The following KIR3DL2 variants were observed in gnomAD, a reference collection of about 807,000 sequenced individuals.
KIR3DL2 encodes the protein killer cell immunoglobulin-like receptor 3DL2.
A neutral mutation model predicts 41.6 loss-of-function variants in KIR3DL2; 42 were observed. The observed-to-expected ratio is 1.01, with a 90% CI of 0.79 to 1.31. The LOEUF is 1.31. Ranked by LOEUF, KIR3DL2 falls within the 50% of genes most tolerant of loss-of-function variation. KIR3DL2 has a pLI of 0.00. For missense variants in KIR3DL2, 728 were observed against 576.8 expected (o/e 1.26, Z -2.68); for synonymous variants, 230 against 221.3 (o/e 1.04, Z -0.35).
At chr19:54,853,086 G>C (rs1308574937) in intron 3 of KIR3DL2, among the ~76,000 whole-genome samples, 1 of 151,028 alleles carries the variant, frequency 6.6e-6, no homozygotes, top group Non-Finnish European at 1.5e-5. Context: ...CTCCAGCCTG[G>C]GTGAAAAAGT....
At chr19:54,852,323 C>T in intron 3 of KIR3DL2, 41 bp downstream of exon 3, 2 of 1,591,226 alleles carry the variant, frequency 1.3e-6, no homozygotes, top group Non-Finnish European at 1.7e-6. Context: ...GTCCCACCTC[C>T]TGAATCCCAG....
At chr19:54,858,660 G>A (rs2064965600) in intron 5 of KIR3DL2, among the ~76,000 whole-genome samples, 1 of 151,338 alleles carries the variant, frequency 6.6e-6, no homozygotes, top group Non-Finnish European at 1.5e-5. Context: ...TCCAGGAAGT[G>A]GAGGTTGCAT....
At chr19:54,851,823 T>A (rs891633543) in intron 2 of KIR3DL2, among the ~76,000 whole-genome samples, 175 bp from the exon 3 acceptor site, 8 of 151,894 alleles carry the variant, frequency 5.3e-5, no homozygotes, top group Non-Finnish European at 1.5e-5. Context: ...AGTTCTCAGC[T>A]GACACTTGTT....
At chr19:54,866,320 G>A (rs2065511296) in intron 7 of KIR3DL2, 50 bp from the exon 8 acceptor site, 1 of 1,604,426 alleles carries the variant, frequency 6.2e-7, no homozygotes, top group Non-Finnish European at 8.5e-7. Context: ...CATGAAATGA[G>A]GACCCAGAAG....
chr19:54,865,861 ATCC>A lies in KIR3DL2; in HGVS notation c.1066_1068del (p.Leu356del), dbSNP rs1326066258. On this transcript the variant is annotated inframe_deletion, in exon 7 of 9. Coordinates refer to ENST00000326321, the MANE Select transcript of KIR3DL2 (RefSeq NM_006737.4). Reference sequence around the variant, plus strand: ...GACCTCAGTGGTCATCTTCCTCTTCATCCTCCTCCTCTTCTTTCTCCTTTATCG... The same window carrying A: ...GACCTCAGTGGTCATCTTCCTCTTCATCCTCCTCTTCTTTCTCCTTTATCG... The A allele has an allele frequency of 5.6e-6, 9 of 1,613,750 alleles. No individual in the cohort carries two copies. The East Asian group carries it at 1.6e-4, about 28-fold the overall frequency.
At chr19:54,851,122 A>G in intron 1 of KIR3DL2, 98 bp from the exon 2 acceptor site, 1 of 1,479,330 alleles carries the variant, frequency 6.8e-7, no homozygotes, top group Non-Finnish European at 9.4e-7. Flanking sequence ...CCTTCAGCCC[A>G]GCAAGGGCCT....
chr19:54,855,361 A>C (rs745997984), intron 4 of KIR3DL2, among the ~76,000 whole-genome samples: 2,760 of 151,820 alleles, frequency 0.018, 59 homozygotes, highest in Middle Eastern at 0.027. Flanking sequence ...AGATCAAGTC[A>C]ACCAATCCAA....
intron 6 of KIR3DL2, among the ~76,000 whole-genome samples, chr19:54,863,896 G>A (rs113118043): frequency 0.043 from 6,532 of 151,808 alleles, 176 homozygotes; most frequent in Middle Eastern, 0.095. Flanking sequence ...TTTTGTTGCC[G>A]TTGCTTTTGG....
chr19:54,850,633 T>C lies in KIR3DL2; in HGVS notation c.34+124T>C. The C allele has an allele frequency of 2.2e-6, 3 of 1,384,938 alleles. No homozygotes were observed. The South Asian group carries it at 3.5e-5, about 16-fold the overall frequency. 85.8% of individuals were successfully genotyped at this position (1,384,938 alleles called of 1,614,324 possible). On this transcript the variant is annotated intron_variant, in intron 1 of 8. Transcript: ENST00000326321. Reference sequence around the variant, plus strand: ...GGAGATATGGGCCTGGGTGTGGAGATATGGGCCTGGAGGTGTAAATATGGG... The same window carrying C: ...GGAGATATGGGCCTGGGTGTGGAGACATGGGCCTGGAGGTGTAAATATGGG...
At position 54,866,597 on chromosome 19, in the gene KIR3DL2, A is replaced by G. The variant is rs1413360969; in HGVS notation, c.1234A>G (p.Ser412Gly). Reference sequence around the variant, plus strand: ...CTGCGTTTTCATACAGAGAAAAATCAGTCGCCCTTCTCAGAGGCCCAAGAC... The same window carrying G: ...CTGCGTTTTCATACAGAGAAAAATCGGTCGCCCTTCTCAGAGGCCCAAGAC... ...DHCVFIQRKI[S>G]RPSQRPKTPL... Residue 412 changes from serine (S) to glycine (G), a missense_variant, in exon 9 of 9, where the codon AGT becomes GGT. By Grantham distance (56) the Ser-to-Gly change is moderately conservative. Transcript: ENST00000326321. 1.9e-6 allele frequency: 3 copies of G among 1,614,058 alleles called. No individual in the cohort carries two copies. Among genetic ancestry groups the G allele is most frequent in the Non-Finnish European group, 2.5e-6 (3 of 1,179,984 alleles).
At chr19:54,859,741 G>T (rs1224938867) in intron 6 of KIR3DL2, among the ~76,000 whole-genome samples, 1 of 151,512 alleles carries the variant, frequency 6.6e-6, no homozygotes, top group Non-Finnish European at 1.5e-5. Context: ...TTACAGTGCT[G>T]TAGCTCAAAG....
At chr19:54,861,206 G>C (rs12608799) in intron 6 of KIR3DL2, among the ~76,000 whole-genome samples, 26,402 of 132,630 alleles carry the variant, frequency 0.2, 2,926 homozygotes, top group East Asian at 0.58. Flanking sequence ...TGGCTGGAAA[G>C]GCTTGCTGGG....
Position 54,866,401 on chromosome 19 carries a change from G to T in KIR3DL2, c.1137G>T (p.Gly379=), listed in dbSNP as rs199804865. 1.1e-5 allele frequency: 18 copies of T among 1,613,812 alleles called. No homozygotes were observed. In the African/African-American group the frequency reaches 2.0e-4, roughly 18 times the overall value. The change falls in exon 8 of 9, where the codon GGG becomes GGT. Residue 379 remains glycine (G), a synonymous_variant. Transcript: ENST00000326321. ...NAAVMDQEPA[G]DRTVNRQDSD... ...CTGTAATGGACCAAGAGCCTGCGGG[G>T]GACAGAACAGTGAATAGGCAGGTAG...
chr19:54,863,222 A>G lies in KIR3DL2; in HGVS notation c.1001-2583A>G, dbSNP rs1192803943. Reference sequence around the variant, plus strand: ...ATGGCTGCATAGTATTCCATGGTGTATATGTGCCACATTTTCTTCATCCAG... The same window carrying G: ...ATGGCTGCATAGTATTCCATGGTGTGTATGTGCCACATTTTCTTCATCCAG... On this transcript the variant is annotated intron_variant, in intron 6 of 8. Coordinates refer to ENST00000326321, the MANE Select transcript of KIR3DL2 (RefSeq NM_006737.4). 8.6e-5 allele frequency among the ~76,000 whole-genome samples: 13 copies of G among 151,774 alleles called. No individual in the cohort carries two copies. In the East Asian group the frequency reaches 2.5e-3, roughly 29 times the overall value.
intron 6 of KIR3DL2, among the ~76,000 whole-genome samples, chr19:54,862,383 C>T (rs1021117188): frequency 7.9e-5 from 12 of 152,144 alleles, no homozygotes; most frequent in Admixed American, 3.3e-4. Context: ...AGACTCTAAA[C>T]ACCTGCTGTA....
At chr19:54,854,170 G>A (rs1408947863) in intron 4 of KIR3DL2, 124 bp downstream of exon 4, 19 of 1,210,494 alleles carry the variant, frequency 1.6e-5, no homozygotes, top group African/African-American at 4.6e-5. Context: ...AGACTGACTC[G>A]GTGAGGTCTG....
At chr19:54,852,580 T>TTTCATACTATAAATATACA (rs2064371516) in intron 3 of KIR3DL2, among the ~76,000 whole-genome samples, 3 of 139,430 alleles carry the variant, frequency 2.2e-5, no homozygotes, top group Non-Finnish European at 3.2e-5. Context: ...TGGACTGTCC[T>TTTCATACTATAAATATACA]GCTGGGCTCA....
In KIR3DL2 at chr19:54,866,721, G is replaced by T. The variant is rs1446401991; in HGVS notation, c.1358G>T (p.Gly453Val). The T allele has an allele frequency of 1.2e-6, 2 of 1,613,622 alleles. No individual in the cohort carries two copies. Among genetic ancestry groups the T allele is most frequent in the African/African-American group, 2.7e-5 (2 of 74,976 alleles). Residue 453 changes from glycine (G) to valine (V), a missense_variant, in exon 9 of 9, where the codon GGG becomes GTG. By Grantham distance (109) the Gly-to-Val change is moderately radical. Coordinates refer to ENST00000326321, the MANE Select transcript of KIR3DL2 (RefSeq NM_006737.4). ...CPRAPQSGLEGVF is the reference protein window; with the variant it reads ...CPRAPQSGLEVVF ...CGAGCACCACAGTCAGGTCTTGAGG[G>T]GGTTTTCTAGGGAGACAACAGCCCT...
chr19:54,860,754 G>C (rs1282691736), intron 6 of KIR3DL2, among the ~76,000 whole-genome samples: 8 of 144,390 alleles, frequency 5.5e-5, no homozygotes, highest in Non-Finnish European at 1.2e-4. Flanking sequence ...AGATATTTGT[G>C]ACATTAATGA....
Sources: gnomAD v4.1 joint callset for allele counts (sites outside exome capture counted in the v4.1 genomes callset) on GRCh38, gnomAD v4.1.1 for gene constraint, MANE v1.5 for transcripts, NCBI Gene and HGNC (gene_info 2026-07-23, HGNC 2026-07-21) for gene names.